BMPR1B: variants seen among roughly 807,000 people sequenced by gnomAD.
BMPR1B encodes bone morphogenetic protein receptor type-1B.
In BMPR1B, 12 loss-of-function variants were observed where a neutral mutation model predicts 59.1. That is an observed-to-expected ratio of 0.20 (90% CI 0.13 to 0.33). The LOEUF is 0.33. BMPR1B is among the 10% of genes least tolerant of loss of function. The pLI, the probability that BMPR1B is intolerant of heterozygous loss-of-function variation, is 1.00. For synonymous variants in BMPR1B, 237 were observed against 207.3 expected, an observed-to-expected ratio of 1.14 and a Z score of -1.23; for missense variants, 550 against 610.9, an observed-to-expected ratio of 0.90 and a Z score of 1.05.
At chr4:94,962,144 C>CTTTTTT (rs202147892) in intron 2 of BMPR1B, among the ~76,000 whole-genome samples, 1 of 83,672 alleles carries the variant, frequency 1.2e-5, no homozygotes, top group African/African-American at 5.6e-5. Context: ...TCCTTCCTTT[C>CTTTTTT]TTTTTTCTTT....
intron 1 of BMPR1B, among the ~76,000 whole-genome samples, chr4:94,815,378 A>G (rs1025510236): frequency 3.9e-5 from 6 of 152,112 alleles, no homozygotes; most frequent in Non-Finnish European, 5.9e-5. Flanking sequence ...TTTGTATACT[A>G]TTATGAATTA....
chr4:94,970,067 AT>A (rs940234149), intron 2 of BMPR1B, among the ~76,000 whole-genome samples: 37 of 151,946 alleles, frequency 2.4e-4, no homozygotes, highest in African/African-American at 8.2e-4. Context: ...ATAAGCCAAG[AT>A]TTTTTTTGTT....
chr4:94,937,446 T>G (rs1341350409), intron 2 of BMPR1B, among the ~76,000 whole-genome samples: 1 of 152,286 alleles, frequency 6.6e-6, no homozygotes, highest in Non-Finnish European at 1.5e-5. Flanking sequence ...TTTCTCTTAA[T>G]CCTCATCCCT....
At chr4:95,144,844 A>G (rs1429910154) in intron 10 of BMPR1B, among the ~76,000 whole-genome samples, 2 of 152,126 alleles carry the variant, frequency 1.3e-5, no homozygotes, top group Admixed American at 1.3e-4. Context: ...TTTTAATGGG[A>G]TATTTTCAGT....
chr4:94,891,277 T>C (rs17022474), intron 2 of BMPR1B, among the ~76,000 whole-genome samples: 7,457 of 152,152 alleles, frequency 0.049, 446 homozygotes, highest in African/African-American at 0.14. Flanking sequence ...CTTGGTTCTA[T>C]GAAACAATCA....
intron 3 of BMPR1B, among the ~76,000 whole-genome samples, chr4:95,005,089 T>C (rs1283918814): frequency 1.3e-5 from 2 of 152,260 alleles, no homozygotes; most frequent in Admixed American, 6.5e-5. Flanking sequence ...CCTGAAACCA[T>C]GTGTTCTTAA....
chr4:94,982,047 T>A (rs1721112559), intron 2 of BMPR1B, among the ~76,000 whole-genome samples: 1 of 152,198 alleles, frequency 6.6e-6, no homozygotes, highest in Non-Finnish European at 1.5e-5. Context: ...ACATTTTGAG[T>A]ATCTTTTCCT....
intron 2 of BMPR1B, among the ~76,000 whole-genome samples, chr4:94,974,755 A>G (rs1730948434): frequency 6.6e-6 from 1 of 152,130 alleles, no homozygotes; most frequent in Admixed American, 6.5e-5. Context: ...ATGTCCCCAA[A>G]TCTCCTAGCA....
intron 1 of BMPR1B, among the ~76,000 whole-genome samples, chr4:94,758,685 T>C (rs1358934403): frequency 6.6e-6 from 1 of 152,012 alleles, no homozygotes; most frequent in Non-Finnish European, 1.5e-5. Context: ...CTGTCTCTTC[T>C]CCTCTCTCTC....
chr4:95,052,239 T>C (rs1393466217), intron 3 of BMPR1B, among the ~76,000 whole-genome samples: 1 of 152,234 alleles, frequency 6.6e-6, no homozygotes, highest in Non-Finnish European at 1.5e-5. Flanking sequence ...GAAATAATTA[T>C]AGTTTGTGAC....
intron 2 of BMPR1B, among the ~76,000 whole-genome samples, chr4:94,969,274 A>T (rs150434330): frequency 0.018 from 2,663 of 152,096 alleles, 43 homozygotes; most frequent in Non-Finnish European, 0.023. Context: ...TGACCTCGTG[A>T]TCTGCCCGAC....
intron 1 of BMPR1B, among the ~76,000 whole-genome samples, chr4:94,775,855 G>A (rs367622944): frequency 4.1e-4 from 62 of 152,308 alleles, no homozygotes; most frequent in East Asian, 1.7e-3. Context: ...ACGCTGGGAG[G>A]CGGAGGCGGG....
intron 1 of BMPR1B, among the ~76,000 whole-genome samples, chr4:94,776,316 A>G (rs1722368708): frequency 6.6e-6 from 1 of 152,214 alleles, no homozygotes; most frequent in Admixed American, 6.5e-5. Context: ...GTAAAACAAG[A>G]CTGTTTTCTG....
intron 2 of BMPR1B, among the ~76,000 whole-genome samples, chr4:94,900,267 A>T (rs1412461816): frequency 6.6e-6 from 1 of 151,458 alleles, no homozygotes; most frequent in Non-Finnish European, 1.5e-5. Context: ...TGAACCTAAG[A>T]TGTCAATTAG....
chr4:95,066,853 T>C (rs1727847205), intron 3 of BMPR1B, among the ~76,000 whole-genome samples: 1 of 152,128 alleles, frequency 6.6e-6, no homozygotes, highest in Non-Finnish European at 1.5e-5. Context: ...CTGGACTAAA[T>C]TATGTTGGTT....
intron 1 of BMPR1B, among the ~76,000 whole-genome samples, chr4:94,826,118 A>G (rs552833473): frequency 9.2e-5 from 14 of 152,354 alleles, no homozygotes; most frequent in Non-Finnish European, 1.6e-4. Context: ...GGGCCAGTCA[A>G]TAGATAAATT....
chr4:94,794,681 G>A (rs964053181), intron 1 of BMPR1B, among the ~76,000 whole-genome samples: 3 of 151,874 alleles, frequency 2.0e-5, no homozygotes, highest in African/African-American at 4.8e-5. Context: ...TCTTTGTATC[G>A]TCTTTTATTT....
chr4:94,854,315 A>G (rs1025599548), intron 1 of BMPR1B, among the ~76,000 whole-genome samples: 4 of 152,242 alleles, frequency 2.6e-5, no homozygotes, highest in Non-Finnish European at 5.9e-5. Flanking sequence ...GAATATGGAA[A>G]TATGTGGACA....
At chr4:95,031,695 C>T (rs750731467) in intron 3 of BMPR1B, among the ~76,000 whole-genome samples, 5 of 152,070 alleles carry the variant, frequency 3.3e-5, no homozygotes, top group Non-Finnish European at 7.4e-5. Context: ...AAAAACAACT[C>T]CTTGATTCAC....
Sources: allele counts gnomAD v4.1 joint callset (sites outside exome capture counted in the v4.1 genomes callset), GRCh38; gene constraint gnomAD v4.1.1; transcripts MANE v1.5; gene names NCBI Gene and HGNC (gene_info 2026-07-23, HGNC 2026-07-21).